Variants in MED20 observed in about 807,000 individuals in gnomAD.
The protein encoded by MED20 is mediator of RNA polymerase II transcription subunit 20.
MED20 carries 19 observed loss-of-function variants against 19.7 expected under a neutral mutation model. The ratio of observed to expected loss-of-function variants is 0.96; its 90% confidence interval spans 0.67 to 1.42. The LOEUF (loss-of-function observed/expected upper bound fraction) is 1.42. Ranked by LOEUF, MED20 falls within the 40% of genes most tolerant of loss-of-function variation. The pLI, the probability that MED20 is intolerant of heterozygous loss-of-function variation, is 0.00. For missense variants in MED20, 225 were observed against 273.0 expected (o/e 0.82, Z 1.24); for synonymous variants, 105 against 104.8 (o/e 1.00, Z -0.01).
intron 1 of MED20, among the ~76,000 whole-genome samples, chr6:41,919,808 G>A (rs1355425366): frequency 3.9e-5 from 6 of 152,116 alleles, no homozygotes; most frequent in Admixed American, 3.9e-4. Flanking sequence ...AGGGTTCTAC[G>A]CTGCATCCTT....
intron 2 of MED20, among the ~76,000 whole-genome samples, chr6:41,914,824 TGAG>T (rs1775275485): frequency 1.3e-5 from 2 of 152,146 alleles, no homozygotes; most frequent in African/African-American, 2.4e-5. Context: ...TTTATGCTAA[TGAG>T]GAGGTCAAGG....
At position 41,907,205 on chromosome 6, in the gene MED20, G is replaced by T; in HGVS notation, c.506C>A (p.Thr169Lys). 1 of 1,614,056 alleles carries T rather than the reference G, an allele frequency of 6.2e-7. No individual in the cohort carries two copies. Among genetic ancestry groups the T allele is most frequent in the Non-Finnish European group, 8.5e-7 (1 of 1,180,012 alleles). The change falls in exon 4 of 4, where the codon ACA becomes AAA. Residue 169 changes from threonine (T) to lysine (K), a missense_variant. Physicochemically the swap from Thr to Lys is moderately conservative, Grantham distance 78 (BLOSUM62 -1). Transcript: ENST00000265350. ...EFLQSFLGSH[T>K]PGAPAVFGNR... ...CCCAAACACTGCGGGAGCCCCTGGT[G>T]TGTGGCTGCCTAGAAAACTCTGTAG... is the stretch of plus-strand genomic sequence containing the variant.
At chr6:41,912,161 G>T in intron 2 of MED20, among the ~76,000 whole-genome samples, 1 of 146,140 alleles carries the variant, frequency 6.8e-6, no homozygotes, top group Non-Finnish European at 1.5e-5. Flanking sequence ...CAATCCTTCT[G>T]CCTCAGTGTC....
chr6:41,914,644 AG>A (rs921253304), intron 2 of MED20, among the ~76,000 whole-genome samples: 40 of 152,076 alleles, frequency 2.6e-4, no homozygotes, highest in African/African-American at 9.4e-4. Flanking sequence ...GCCTAAGCCC[AG>A]GAGTTAGAGC....
intron 2 of MED20, among the ~76,000 whole-genome samples, chr6:41,913,340 T>C (rs906004522): frequency 6.6e-6 from 1 of 152,288 alleles, no homozygotes; most frequent in African/African-American, 2.4e-5. Flanking sequence ...TGCTCTTTCC[T>C]GCCTGCCATG....
chr6:41,908,631 G>T (rs1288202658), intron 3 of MED20, among the ~76,000 whole-genome samples: 3 of 152,190 alleles, frequency 2.0e-5, no homozygotes, highest in Non-Finnish European at 2.9e-5. Context: ...GTCCTGGTCT[G>T]CTCCAGAACT....
chr6:41,905,775 T>A lies in MED20; in HGVS notation c.*1297A>T, dbSNP rs919953087. ...GCTCAAATGAAACAGGAGAAAGAGC[T>A]CAGGAACCATGAAGCATGGTGCAGG... is the stretch of plus-strand genomic sequence containing the variant. On this transcript the variant is annotated 3_prime_UTR_variant, in exon 4 of 4. Transcript: ENST00000265350. The A allele has an allele frequency of 2.0e-5, 3 of 152,140 alleles. No homozygotes were observed. Among genetic ancestry groups the A allele is most frequent in the Non-Finnish European group, 2.9e-5 (2 of 68,044 alleles). 9.4% of individuals were successfully genotyped at this position (152,140 alleles called of 1,614,324 possible).
chr6:41,920,944 G>T (rs1290006898), intron 1 of MED20, 61 bp downstream of exon 1: 1 of 1,582,028 alleles, frequency 6.3e-7, no homozygotes, highest in Non-Finnish European at 8.6e-7. Context: ...CATGGTCAAG[G>T]TCCTCTTTCC....
chr6:41,918,072 G>A (rs1478838439), intron 1 of MED20, among the ~76,000 whole-genome samples: 3 of 152,118 alleles, frequency 2.0e-5, no homozygotes, highest in Non-Finnish European at 2.9e-5. Context: ...CTCTTATGGT[G>A]GCTTCCACTT....
At position 41,916,811 on chromosome 6, in the gene MED20, G is replaced by A. The variant is rs747294349; in HGVS notation, c.143C>T (p.Thr48Met). ...TTGGCTGCCAAGGGTAGAGGCGGCCGTATGGTAAGTCTCACAGTCCACACA... is the reference window on the plus strand; with the variant it reads ...TTGGCTGCCAAGGGTAGAGGCGGCCATATGGTAAGTCTCACAGTCCACACA... The part of the protein sequence containing the change: ...TFCVDCETYH[T>M]AASTLGSQGQ... Residue 48 changes from threonine (T) to methionine (M), a missense_variant, in exon 2 of 4, where the codon ACG becomes ATG. By Grantham distance (81) the Thr-to-Met change is moderately conservative. Transcript: ENST00000265350. 14 of 1,613,864 alleles carry A rather than the reference G, an allele frequency of 8.7e-6. No individual in the cohort carries two copies. Among genetic ancestry groups the A allele is most frequent in the Admixed American group, 5.0e-5 (3 of 59,984 alleles).
intron 1 of MED20, 58 bp from the exon 2 acceptor site, chr6:41,916,997 C>A: frequency 1.3e-6 from 2 of 1,591,980 alleles, no homozygotes; most frequent in Non-Finnish European, 1.7e-6. Flanking sequence ...GCTCACTGAG[C>A]CATTCACTCG....
At chr6:41,920,270 C>CT (rs1775425884) in intron 1 of MED20, among the ~76,000 whole-genome samples, 1 of 152,144 alleles carries the variant, frequency 6.6e-6, no homozygotes, top group African/African-American at 2.4e-5. Flanking sequence ...TATCAATACC[C>CT]TTTTTTCCTC....
rs532406416 is a variant in MED20 at position 41,907,138 on chromosome 6, G to C, written c.573C>G (p.Val191=). The C allele has an allele frequency of 1.2e-6, 2 of 1,613,986 alleles. No homozygotes were observed. The highest frequency in any genetic ancestry group is 2.7e-5 in the African/African-American group (2 of 74,972). The change falls in exon 4 of 4, where the codon GTC becomes GTG. Residue 191 remains valine, a synonymous_variant. Coordinates refer to ENST00000265350, the MANE Select transcript of MED20 (RefSeq NM_004275.5). ...DAVYGPADTM[V]QYMELFNKIR... ...TCTTGTTGAAGAGTTCCATGTACTG[G>C]ACCATGGTATCTGCTGGGCCGTAGA... is the stretch of plus-strand genomic sequence containing the variant.
intron 2 of MED20, among the ~76,000 whole-genome samples, chr6:41,909,810 T>A (rs1310330255): frequency 1.3e-5 from 2 of 152,106 alleles, no homozygotes; most frequent in South Asian, 2.1e-4. Flanking sequence ...TTAAGTTGAG[T>A]GGTGGGCTCA....
At position 41,920,949 on chromosome 6, in the gene MED20, C is replaced by T. The variant is rs200188122; in HGVS notation, c.14+56G>A. Reference sequence around the variant, plus strand: ...GACGGCGGACCATGGTCAAGGTCCTCTTTCCGGCCTTTCACAACTCCAAGC... The same window carrying T: ...GACGGCGGACCATGGTCAAGGTCCTTTTTCCGGCCTTTCACAACTCCAAGC... On this transcript the variant is annotated intron_variant, in intron 1 of 3. Coordinates refer to ENST00000265350, the MANE Select transcript of MED20 (RefSeq NM_004275.5). 6.7e-5 allele frequency: 106 copies of T among 1,590,374 alleles called. 1 individual carries two copies. Among genetic ancestry groups the T allele is most frequent in the Non-Finnish European group, 8.5e-5 (99 of 1,166,700 alleles).
At chr6:41,909,547 A>C (rs1775140081) in intron 2 of MED20, 25 bp from the exon 3 acceptor site, 1 of 1,608,448 alleles carries the variant, frequency 6.2e-7, no homozygotes, top group Non-Finnish European at 8.5e-7. Context: ...GATCCTATTC[A>C]TCATCAAGAC....
chr6:41,914,981 T>G (rs1283500873), intron 2 of MED20, among the ~76,000 whole-genome samples: 1 of 152,206 alleles, frequency 6.6e-6, no homozygotes, highest in Non-Finnish European at 1.5e-5. Context: ...GTCTGGATTG[T>G]TAAATGTAGA....
chr6:41,913,964 C>G (rs900373905), intron 2 of MED20, among the ~76,000 whole-genome samples: 1 of 152,152 alleles, frequency 6.6e-6, no homozygotes, highest in African/African-American at 2.4e-5. Context: ...CTTAGCACAA[C>G]ATGAGGAGAG....
intron 2 of MED20, among the ~76,000 whole-genome samples, chr6:41,916,552 C>T (rs943740247): frequency 2.0e-5 from 3 of 151,962 alleles, no homozygotes; most frequent in Non-Finnish European, 4.4e-5. Context: ...TGCACTCCAG[C>T]CTGGGCAACA....
Sources: gnomAD v4.1 joint callset for allele counts (sites outside exome capture counted in the v4.1 genomes callset) on GRCh38, gnomAD v4.1.1 for gene constraint, MANE v1.5 for transcripts, NCBI Gene and HGNC (gene_info 2026-07-23, HGNC 2026-07-21) for gene names.